IGF1R: variants seen among roughly 807,000 people sequenced by gnomAD.
IGF1R encodes the protein insulin-like growth factor 1 receptor.
In IGF1R, 44 loss-of-function variants were observed where a neutral mutation model predicts 144.6. That is an observed-to-expected ratio of 0.30 (90% confidence interval 0.24 to 0.39). The LOEUF is 0.39. IGF1R is among the 10% of genes least tolerant of loss of function. The pLI is 1.00. For synonymous variants in IGF1R, 795 were observed against 722.8 expected (o/e 1.10, Z -1.60); for missense variants, 1,355 against 1,833.7 (o/e 0.74, Z 4.77).
chr15:98,862,949 C>G (rs2012237134), intron 2 of IGF1R, among the ~76,000 whole-genome samples: 1 of 152,206 alleles, frequency 6.6e-6, no homozygotes, highest in Non-Finnish European at 1.5e-5. Flanking sequence ...TCACTCCATA[C>G]TCCAGTGCTG....
chr15:98,929,480 TC>T (rs1200903738), intron 13 of IGF1R, 77 bp from the exon 14 acceptor site: 2 of 1,130,032 alleles, frequency 1.8e-6, no homozygotes, highest in East Asian at 2.3e-5. Flanking sequence ...TTTTCATACT[TC>T]CAACTGAATG....
In IGF1R at chr15:98,963,012, C is replaced by G. The variant is rs116922843; in HGVS notation, c.*5570C>G. The G allele has an allele frequency of 1.7e-5, 4 of 233,582 alleles. No homozygotes were observed. Among genetic ancestry groups the G allele is most frequent in the Non-Finnish European group, 2.5e-5 (3 of 118,020 alleles). 14.5% of individuals were successfully genotyped at this position (233,582 alleles called of 1,614,324 possible). A position where few individuals can be genotyped will look rare whatever the true frequency, so the allele number is the denominator to read the frequency against. On this transcript the variant is annotated 3_prime_UTR_variant, in exon 21 of 21. Coordinates refer to ENST00000650285, the MANE Select transcript of IGF1R (RefSeq NM_000875.5). ...ATTGTTTTAACTAGTCACTCATTAGCGTTTTCAATAGGGCTCTTAAGTCCA... is the reference window on the plus strand; with the variant it reads ...ATTGTTTTAACTAGTCACTCATTAGGGTTTTCAATAGGGCTCTTAAGTCCA...
At chr15:98,870,791 G>A (rs1299416914) in intron 2 of IGF1R, among the ~76,000 whole-genome samples, 1 of 152,226 alleles carries the variant, frequency 6.6e-6, no homozygotes, top group African/African-American at 2.4e-5. Flanking sequence ...GGTCAGAGAG[G>A]GGAAATCTGA....
chr15:98,738,206 C>T (rs988332171), intron 2 of IGF1R, among the ~76,000 whole-genome samples: 24 of 152,146 alleles, frequency 1.6e-4, no homozygotes, highest in African/African-American at 5.1e-4. Context: ...AGTTTGGTCC[C>T]GTTGTAAGGC....
chr15:98,846,401 G>C (rs945282352), intron 2 of IGF1R, among the ~76,000 whole-genome samples: 2 of 152,202 alleles, frequency 1.3e-5, no homozygotes, highest in African/African-American at 2.4e-5. Context: ...GAACAGACGA[G>C]TAGAGAATTT....
intron 1 of IGF1R, among the ~76,000 whole-genome samples, chr15:98,696,089 T>TTAAATCTCC (rs2141240527): frequency 6.6e-6 from 1 of 151,550 alleles, no homozygotes; most frequent in East Asian, 1.9e-4. Flanking sequence ...TTATATCCAA[T>TTAAATCTCC]TAAATCTCCT....
intron 2 of IGF1R, among the ~76,000 whole-genome samples, chr15:98,883,250 C>G (rs935621587): frequency 6.6e-6 from 1 of 152,208 alleles, no homozygotes; most frequent in Non-Finnish European, 1.5e-5. Context: ...AGGCAGAAAC[C>G]TGTTTGGAAG....
intron 2 of IGF1R, among the ~76,000 whole-genome samples, chr15:98,709,421 C>T (rs1392513242): frequency 6.6e-6 from 1 of 152,212 alleles, no homozygotes. Context: ...CTGGCTGCAG[C>T]CAGTACCTTG....
At chr15:98,903,686 G>C (rs1382627726) in intron 5 of IGF1R, among the ~76,000 whole-genome samples, 2 of 152,310 alleles carry the variant, frequency 1.3e-5, no homozygotes, top group South Asian at 4.1e-4. Context: ...CAGATGAGTG[G>C]ATAGAAAGAT....
At chr15:98,699,264 G>C (rs1187814975) in intron 1 of IGF1R, among the ~76,000 whole-genome samples, 1 of 152,182 alleles carries the variant, frequency 6.6e-6, no homozygotes, top group Non-Finnish European at 1.5e-5. Flanking sequence ...AGTGAGGACA[G>C]GGTGTGGGAC....
chr15:98,717,938 G>A (rs756029657), intron 2 of IGF1R, among the ~76,000 whole-genome samples: 4 of 152,240 alleles, frequency 2.6e-5, no homozygotes, highest in South Asian at 2.1e-4. Flanking sequence ...CTTTGGTAAC[G>A]CTAGGTATAT....
At chr15:98,917,925 G>A (rs566927170) in intron 10 of IGF1R, among the ~76,000 whole-genome samples, 1 of 152,242 alleles carries the variant, frequency 6.6e-6, no homozygotes, top group East Asian at 1.9e-4. Context: ...GATGATAGCT[G>A]TACCATTCTG....
chr15:98,828,583 C>T (rs1231024932), intron 2 of IGF1R, among the ~76,000 whole-genome samples: 1 of 152,038 alleles, frequency 6.6e-6, no homozygotes, highest in East Asian at 1.9e-4. Context: ...TTTTCAAAAC[C>T]CCTCTCATCA....
rs2017054532 is a variant in IGF1R at position 98,957,531 on chromosome 15, A to G, written c.*89A>G. 1.3e-6 allele frequency: 2 copies of G among 1,546,054 alleles called. No homozygotes were observed. The highest frequency in any genetic ancestry group is 8.9e-7 in the Non-Finnish European group (1 of 1,126,326). On this transcript the variant is annotated 3_prime_UTR_variant, in exon 21 of 21. Transcript: ENST00000650285. ...GAGAGAGTTTTAACAATCCATTCAC[A>G]AGCCTCCTGTACCTCAGTGGATCTT...
intron 2 of IGF1R, among the ~76,000 whole-genome samples, chr15:98,811,916 C>G (rs2056599170): frequency 6.6e-6 from 1 of 152,086 alleles, no homozygotes; most frequent in Non-Finnish European, 1.5e-5. Flanking sequence ...GAGCCAGACT[C>G]TGTCTCAAAA....
At chr15:98,687,273 A>G (rs973855373) in intron 1 of IGF1R, among the ~76,000 whole-genome samples, 30 of 152,156 alleles carry the variant, frequency 2.0e-4, no homozygotes, top group Admixed American at 1.5e-3. Context: ...AAATGAGTGC[A>G]GTTGGGGTCC....
chr15:98,700,264 C>T lies in IGF1R; in HGVS notation c.95-7298C>T, dbSNP rs150217263. Among the ~76,000 whole-genome samples the T allele has an allele frequency of 1.8e-4, 27 of 152,142 alleles. 1 individual carries two copies. In the East Asian group the frequency reaches 5.2e-3, roughly 29 times the overall value. On this transcript the variant is annotated intron_variant, in intron 1 of 20. Transcript: ENST00000650285. ...TATACTAGGGAGAGTCTGTCTCCACCCCATTTTTCTTCTGCTTTGCTTTGT... is the reference window on the plus strand; with the variant it reads ...TATACTAGGGAGAGTCTGTCTCCACTCCATTTTTCTTCTGCTTTGCTTTGT...
At chr15:98,863,732 G>C (rs969624617) in intron 2 of IGF1R, among the ~76,000 whole-genome samples, 1 of 152,196 alleles carries the variant, frequency 6.6e-6, no homozygotes, top group African/African-American at 2.4e-5. Context: ...GATGACAGGA[G>C]ATGTTAATTG....
chr15:98,836,559 A>G (rs981922554), intron 2 of IGF1R, among the ~76,000 whole-genome samples: 4 of 151,506 alleles, frequency 2.6e-5, no homozygotes, highest in Non-Finnish European at 5.9e-5. Context: ...AATATCACCC[A>G]GTTTTCCCTA....
Sources: allele counts gnomAD v4.1 joint callset (sites outside exome capture counted in the v4.1 genomes callset), GRCh38; gene constraint gnomAD v4.1.1; transcripts MANE v1.5; gene names NCBI Gene and HGNC (gene_info 2026-07-23, HGNC 2026-07-21).